The following MBNL1 variants were observed in gnomAD, a reference collection of about 807,000 sequenced individuals.
The protein encoded by MBNL1 is muscleblind like splicing regulator 1, also known as muscleblind-like protein 1.
Under a neutral mutation model 42.2 loss-of-function variants are expected in MBNL1, and 8 were observed. That is an observed-to-expected ratio of 0.19 (90% CI 0.11 to 0.34). The LOEUF is 0.34. MBNL1 is among the 10% of genes least tolerant of loss of function. The pLI is 1.00. For synonymous variants in MBNL1, 169 were observed against 173.9 expected, an observed-to-expected ratio of 0.97 and a Z score of 0.22; for missense variants, 309 against 495.3, an observed-to-expected ratio of 0.62 and a Z score of 3.57.
intron 2 of MBNL1, among the ~76,000 whole-genome samples, chr3:152,347,403 T>G (rs1480306611): frequency 6.6e-6 from 1 of 152,146 alleles, no homozygotes; most frequent in East Asian, 1.9e-4. Context: ...AAAATTATAC[T>G]TTTAGTCACT....
chr3:152,388,285 A>G (rs752500745), intron 2 of MBNL1, among the ~76,000 whole-genome samples: 1 of 152,202 alleles, frequency 6.6e-6, no homozygotes, highest in Admixed American at 6.5e-5. Flanking sequence ...AGCCATAACT[A>G]TGGTGAGGAG....
At chr3:152,352,833 C>T (rs933252714) in intron 2 of MBNL1, among the ~76,000 whole-genome samples, 1 of 152,192 alleles carries the variant, frequency 6.6e-6, no homozygotes. Context: ...TGTGTCAGTG[C>T]TCACTTAGTG....
chr3:152,323,984 T>G (rs748377341), intron 2 of MBNL1, among the ~76,000 whole-genome samples: 1 of 152,186 alleles, frequency 6.6e-6, no homozygotes, highest in South Asian at 2.1e-4. Context: ...ATGCAAAAAT[T>G]ATCCCCGTTT....
chr3:152,278,718 A>T (rs970804507), intron 1 of MBNL1, among the ~76,000 whole-genome samples: 2 of 152,148 alleles, frequency 1.3e-5, no homozygotes, highest in Non-Finnish European at 2.9e-5. Context: ...TTAAAACATT[A>T]CTTTGCCATG....
intron 4 of MBNL1, among the ~76,000 whole-genome samples, chr3:152,444,839 A>G (rs2099199314): frequency 6.6e-6 from 1 of 152,188 alleles, no homozygotes; most frequent in Non-Finnish European, 1.5e-5. Flanking sequence ...TTTCATCTTG[A>G]TTAAATTCAG....
chr3:152,434,361 G>A (rs13071511), intron 4 of MBNL1, among the ~76,000 whole-genome samples: 74,974 of 151,998 alleles, frequency 0.49, 18,871 homozygotes, highest in Middle Eastern at 0.61. Flanking sequence ...AGCTCAATCT[G>A]TGTTGCTGCA....
chr3:152,349,019 A>G (rs1560243625), intron 2 of MBNL1, among the ~76,000 whole-genome samples: 2 of 152,068 alleles, frequency 1.3e-5, no homozygotes, highest in Non-Finnish European at 2.9e-5. Flanking sequence ...CTGGGAACAG[A>G]ATGCATGGTT....
chr3:152,307,028 T>C (rs2063501521), intron 2 of MBNL1, among the ~76,000 whole-genome samples: 1 of 152,234 alleles, frequency 6.6e-6, no homozygotes, highest in African/African-American at 2.4e-5. Context: ...CTTACTCTGT[T>C]GTCCAGGCTT....
chr3:152,312,191 C>CA (rs34750394), intron 2 of MBNL1, among the ~76,000 whole-genome samples: 1,775 of 46,558 alleles, frequency 0.038, 33 homozygotes, highest in African/African-American at 0.066. Context: ...GACTCCGTCT[C>CA]AAAAAAAAAA....
intron 3 of MBNL1, among the ~76,000 whole-genome samples, chr3:152,419,349 G>A (rs966378647): frequency 1.1e-4 from 16 of 152,196 alleles, no homozygotes; most frequent in Admixed American, 6.5e-5. Context: ...GAAGGCAGGT[G>A]ATTTCTGAAT....
intron 1 of MBNL1, among the ~76,000 whole-genome samples, chr3:152,273,279 T>C (rs1011346986): frequency 4.6e-5 from 7 of 152,226 alleles, no homozygotes; most frequent in Non-Finnish European, 7.4e-5. Flanking sequence ...ATTTTTAAAT[T>C]TGAGGTAGAG....
intron 2 of MBNL1, among the ~76,000 whole-genome samples, chr3:152,247,360 A>C (rs2033312645): frequency 6.6e-6 from 1 of 152,088 alleles, no homozygotes; most frequent in African/African-American, 2.4e-5. Flanking sequence ...TATGCTAAAT[A>C]AATAAGAAAT....
intron 2 of MBNL1, chr3:152,334,991 C>CA (rs1187752413): frequency 1.2e-6 from 1 of 855,278 alleles, no homozygotes; most frequent in African/African-American, 1.8e-5. Context: ...CTTTGGCTAG[C>CA]ATCCTGCAAG....
intron 2 of MBNL1, among the ~76,000 whole-genome samples, chr3:152,362,976 T>C (rs2096088904): frequency 6.6e-6 from 1 of 152,174 alleles, no homozygotes; most frequent in Non-Finnish European, 1.5e-5. Flanking sequence ...TTAATGTGTG[T>C]GTGAAGTTTC....
At chr3:152,446,937 G>A (rs1411026265) in intron 5 of MBNL1, among the ~76,000 whole-genome samples, 1 of 152,014 alleles carries the variant, frequency 6.6e-6, no homozygotes, top group Non-Finnish European at 1.5e-5. Context: ...TAAGTACATA[G>A]ATGGATATCA....
intron 2 of MBNL1, among the ~76,000 whole-genome samples, chr3:152,379,008 G>T (rs1193346318): frequency 6.6e-6 from 1 of 152,118 alleles, no homozygotes; most frequent in Non-Finnish European, 1.5e-5. Flanking sequence ...GAGCCACCAT[G>T]CCTGGCCTGA....
chr3:152,326,778 A>ATTTATTTAT (rs1553828480), intron 2 of MBNL1, among the ~76,000 whole-genome samples: 2 of 141,964 alleles, frequency 1.4e-5, no homozygotes, highest in African/African-American at 2.6e-5. Context: ...CCTTGGGAAA[A>ATTTATTTAT]TTATTTATTT....
chr3:152,335,071 A>G, intron 2 of MBNL1: 1 of 1,251,894 alleles, frequency 8.0e-7, no homozygotes, highest in Non-Finnish European at 1.0e-6. Context: ...GGGAAGGAAA[A>G]GTGGCTGACC....
chr3:152,324,993 T>C (rs576722114), intron 2 of MBNL1, among the ~76,000 whole-genome samples: 1 of 146,712 alleles, frequency 6.8e-6, no homozygotes, highest in Non-Finnish European at 1.5e-5. Context: ...GTGGGTCATC[T>C]ACTGAGACTC....
Sources: gnomAD v4.1 joint callset for allele counts (sites outside exome capture counted in the v4.1 genomes callset) on GRCh38, gnomAD v4.1.1 for gene constraint, MANE v1.5 for transcripts, NCBI Gene and HGNC (gene_info 2026-07-23, HGNC 2026-07-21) for gene names.